ULK4: variants seen among roughly 807,000 people sequenced by gnomAD.
ULK4 encodes unc-51 like kinase 4, also known as inactive serine/threonine-protein kinase ULK4.
A neutral mutation model predicts 160.6 loss-of-function variants in ULK4; 133 were observed. The observed-to-expected ratio is 0.83, with a 90% confidence interval of 0.72 to 0.96. ULK4 has a LOEUF of 0.96. Ranked by LOEUF, ULK4 falls within the 40% of genes least tolerant of loss-of-function variation. ULK4 has a pLI of 0.00. For synonymous variants in ULK4, 534 were observed against 539.8 expected (o/e 0.99, Z 0.15); for missense variants, 1,580 against 1,499.5 (o/e 1.05, Z -0.89).
chr3:41,246,667 A>G lies in ULK4; in HGVS notation c.*262T>C. ...CTTAGCCCACCTGGCCCACACAGAG[A>G]GGGAAAGAACATTTCTGAGAACAGC... On this transcript the variant is annotated 3_prime_UTR_variant, in exon 37 of 37. Transcript: ENST00000301831. 2 of 447,762 alleles carry G rather than the reference A, an allele frequency of 4.5e-6. No homozygotes were observed. The highest frequency in any genetic ancestry group is 4.1e-6 in the Non-Finnish European group (1 of 246,240). 27.7% of individuals were successfully genotyped at this position (447,762 alleles called of 1,614,324 possible).
At chr3:41,875,216 T>C (rs1697257206) in intron 17 of ULK4, among the ~76,000 whole-genome samples, 1 of 152,148 alleles carries the variant, frequency 6.6e-6, no homozygotes, top group East Asian at 1.9e-4. Context: ...AAAACAATAA[T>C]GGTGAAAATA....
chr3:41,278,497 G>A (rs932790437), intron 35 of ULK4, among the ~76,000 whole-genome samples: 1 of 152,160 alleles, frequency 6.6e-6, no homozygotes, highest in Non-Finnish European at 1.5e-5. Flanking sequence ...CTCCTCAAGT[G>A]GGTCGCTGAC....
chr3:41,644,492 C>T (rs1420586581), intron 30 of ULK4, among the ~76,000 whole-genome samples: 5 of 152,144 alleles, frequency 3.3e-5, no homozygotes, highest in African/African-American at 4.8e-5. Context: ...TGTTGGATTA[C>T]ATTTATTGAT....
chr3:41,815,738 G>A (rs1236887225), intron 19 of ULK4, among the ~76,000 whole-genome samples: 1 of 152,040 alleles, frequency 6.6e-6, no homozygotes, highest in African/African-American at 2.4e-5. Context: ...AATTGGGTCT[G>A]GATAAGGGAT....
chr3:41,796,293 G>T (rs968999672), intron 20 of ULK4, among the ~76,000 whole-genome samples: 2 of 152,084 alleles, frequency 1.3e-5, no homozygotes, highest in African/African-American at 2.4e-5. Flanking sequence ...TACAAACACA[G>T]AAAGAGGGAA....
At chr3:41,934,669 T>C (rs562481059) in intron 4 of ULK4, among the ~76,000 whole-genome samples, 39 of 152,328 alleles carry the variant, frequency 2.6e-4, no homozygotes, top group Non-Finnish European at 4.3e-4. Flanking sequence ...AGTGTTAGTG[T>C]TGATTGCAAC....
rs557008293 is a variant in ULK4, at chr3:41,918,925, T to C, written c.644-385A>G. Among the ~76,000 whole-genome samples the C allele has an allele frequency of 3.3e-5, 5 of 152,224 alleles. No homozygotes were observed. The South Asian group carries it at 1.0e-3, about 32-fold the overall frequency. ...CTTGCTATCACCAATAATTCTAATC[T>C]CAACTACAGATATTTCAAGATTATA... is the stretch of plus-strand genomic sequence containing the variant. On this transcript the variant is annotated intron_variant, in intron 6 of 36. Coordinates refer to ENST00000301831, the MANE Select transcript of ULK4 (RefSeq NM_017886.4).
intron 2 of ULK4, among the ~76,000 whole-genome samples, chr3:41,939,095 G>A (rs533967041): frequency 2.0e-5 from 3 of 151,674 alleles, no homozygotes; most frequent in African/African-American, 7.3e-5. Flanking sequence ...CTTATACCAC[G>A]ACTAAACCAT....
intron 29 of ULK4, among the ~76,000 whole-genome samples, chr3:41,679,873 CTTTTTG>C (rs1227291567): frequency 2.0e-5 from 3 of 152,122 alleles, no homozygotes; most frequent in Non-Finnish European, 2.9e-5. Context: ...CACATATTTT[CTTTTTG>C]TTTTTGTTTT....
intron 9 of ULK4, among the ~76,000 whole-genome samples, chr3:41,912,512 G>A (rs372446322): frequency 1.1e-3 from 167 of 152,186 alleles, no homozygotes; most frequent in African/African-American, 3.9e-3. Flanking sequence ...ATAAAGAGGA[G>A]AAAAAAGATC....
intron 35 of ULK4, among the ~76,000 whole-genome samples, chr3:41,373,212 A>T (rs2081407684): frequency 6.6e-6 from 1 of 152,190 alleles, no homozygotes; most frequent in Admixed American, 6.5e-5. Flanking sequence ...CCCACTGTCA[A>T]TATTAGGCAG....
intron 31 of ULK4, among the ~76,000 whole-genome samples, chr3:41,582,328 C>T (rs2030426800): frequency 6.6e-6 from 1 of 152,076 alleles, no homozygotes; most frequent in South Asian, 2.1e-4. Flanking sequence ...ATAAATTACC[C>T]AGTCTTGGGT....
At chr3:41,581,466 A>G (rs1332584753) in intron 31 of ULK4, among the ~76,000 whole-genome samples, 2 of 152,226 alleles carry the variant, frequency 1.3e-5, no homozygotes, top group African/African-American at 4.8e-5. Flanking sequence ...CCTTTACAAA[A>G]TAATATGTGA....
At chr3:41,698,343 C>G (rs377660133) in intron 27 of ULK4, among the ~76,000 whole-genome samples, 1 of 152,060 alleles carries the variant, frequency 6.6e-6, no homozygotes, top group African/African-American at 2.4e-5. Context: ...CCCAAGCTGG[C>G]CTTGAACTCC....
chr3:41,943,520 T>C (rs528285737), intron 2 of ULK4, among the ~76,000 whole-genome samples: 2 of 152,266 alleles, frequency 1.3e-5, no homozygotes, highest in South Asian at 4.1e-4. Context: ...AAACAAACCA[T>C]GCTGCCTGAT....
chr3:41,463,084 T>C lies in ULK4; in HGVS notation c.3393+3A>G. On this transcript the variant is annotated splice_donor_region_variant and intron_variant, in intron 33 of 36. Transcript: ENST00000301831. ...TCAAGACACAGGAAAACAGATCCTC[T>C]ACCTGCAAAGCCAGCCGTACAATAC... The C allele has an allele frequency of 6.2e-7, 1 of 1,612,468 alleles. No homozygotes were observed. The highest frequency in any genetic ancestry group is 8.5e-7 in the Non-Finnish European group (1 of 1,179,000).
chr3:41,549,474 T>C (rs1029559727), intron 32 of ULK4, among the ~76,000 whole-genome samples: 13 of 152,052 alleles, frequency 8.5e-5, no homozygotes, highest in African/African-American at 3.1e-4. Flanking sequence ...AAGAAAGGTC[T>C]TGAAATAACC....
At chr3:41,326,455 T>C (rs1218607192) in intron 35 of ULK4, among the ~76,000 whole-genome samples, 1 of 108,644 alleles carries the variant, frequency 9.2e-6, no homozygotes, top group Non-Finnish European at 1.9e-5. Flanking sequence ...TATATACATA[T>C]ATATATATAT....
At chr3:41,528,957 A>G (rs1180952403) in intron 32 of ULK4, among the ~76,000 whole-genome samples, 1 of 152,234 alleles carries the variant, frequency 6.6e-6, no homozygotes, top group Non-Finnish European at 1.5e-5. Flanking sequence ...GCGAGCCTTC[A>G]CATGTACCTC....
Sources: allele counts gnomAD v4.1 joint callset (sites outside exome capture counted in the v4.1 genomes callset), GRCh38; gene constraint gnomAD v4.1.1; transcripts MANE v1.5; gene names NCBI Gene and HGNC (gene_info 2026-07-23, HGNC 2026-07-21).